Variants in PRIM2 observed in about 807,000 individuals in gnomAD.
PRIM2 encodes DNA primase large subunit.
A neutral mutation model predicts 67.3 loss-of-function variants in PRIM2; 39 were observed. The ratio of observed to expected loss-of-function variants is 0.58; its 90% confidence interval spans 0.45 to 0.76. PRIM2 has a LOEUF of 0.76. Among genes scored for constraint, PRIM2 ranks in the 30% least tolerant of loss-of-function variants. The pLI, the probability that PRIM2 is intolerant of heterozygous loss-of-function variation, is 0.00. For missense variants in PRIM2, 398 were observed against 598.7 expected (o/e 0.66, Z 3.50); for synonymous variants, 143 against 198.7 (o/e 0.72, Z 2.36).
chr6:57,520,091 C>T (rs1554348730), intron 8 of PRIM2, among the ~76,000 whole-genome samples: 45 of 152,204 alleles, frequency 3.0e-4, no homozygotes, highest in Non-Finnish European at 5.3e-4. Flanking sequence ...ACTGAAGTGG[C>T]GTATAAGGAA....
intron 7 of PRIM2, among the ~76,000 whole-genome samples, chr6:57,483,299 C>T (rs1342842200): frequency 2.0e-5 from 3 of 152,018 alleles, no homozygotes; most frequent in African/African-American, 7.3e-5. Context: ...GAGCACAATA[C>T]AATCTTTCAT....
chr6:57,597,987 C>T (rs1452458090), intron 10 of PRIM2, among the ~76,000 whole-genome samples: 1 of 152,148 alleles, frequency 6.6e-6, no homozygotes, highest in Non-Finnish European at 1.5e-5. Flanking sequence ...AAGCTTTCTA[C>T]AGTATCCATT....
the PRIM2 span, among the ~76,000 whole-genome samples, chr6:57,264,649 T>G: frequency 7.1e-6 from 1 of 141,402 alleles, no homozygotes. Context: ...CAGGCTGGAG[T>G]GCAGTGGCAC....
chr6:57,305,336 A>G, the PRIM2 span, among the ~76,000 whole-genome samples: 2 of 152,236 alleles, frequency 1.3e-5, no homozygotes, highest in Non-Finnish European at 2.9e-5. Flanking sequence ...AGGGATAAGT[A>G]CAGAGAAGTT....
At chr6:57,417,717 GA>G (rs1192214311) in intron 7 of PRIM2, among the ~76,000 whole-genome samples, 23 of 152,288 alleles carry the variant, frequency 1.5e-4, no homozygotes, top group African/African-American at 5.5e-4. Context: ...AAATAATAAT[GA>G]AAAAGTTTGA....
chr6:57,631,102 T>TA (rs1777031326), intron 12 of PRIM2, among the ~76,000 whole-genome samples: 1 of 152,204 alleles, frequency 6.6e-6, no homozygotes, highest in Admixed American at 6.5e-5. Flanking sequence ...GTCAGTATTG[T>TA]ATAATGCCTG....
intron 7 of PRIM2, among the ~76,000 whole-genome samples, chr6:57,424,432 AG>A (rs1771557280): frequency 6.6e-6 from 1 of 152,236 alleles, no homozygotes; most frequent in African/African-American, 2.4e-5. Flanking sequence ...TAATTATATA[AG>A]AACAGATGGA....
upstream of PRIM2, among the ~76,000 whole-genome samples, chr6:57,312,379 G>T (rs1767406995): frequency 6.6e-6 from 1 of 152,024 alleles, no homozygotes; most frequent in Non-Finnish European, 1.5e-5. Flanking sequence ...GCATGTGCCT[G>T]CAGTCCTAGC....
chr6:57,522,119 A>G (rs1774638217), intron 8 of PRIM2, among the ~76,000 whole-genome samples: 1 of 152,046 alleles, frequency 6.6e-6, no homozygotes, highest in African/African-American at 2.4e-5. Flanking sequence ...TTGCTTCCCT[A>G]ATAGTATAAA....
chr6:57,491,357 A>G (rs1773886176), intron 7 of PRIM2, among the ~76,000 whole-genome samples: 2 of 152,232 alleles, frequency 1.3e-5, no homozygotes, highest in African/African-American at 2.4e-5. Flanking sequence ...TGCATTTGAT[A>G]AAGTATTTCT....
chr6:57,530,325 C>T (rs1774859923), intron 8 of PRIM2, among the ~76,000 whole-genome samples: 1 of 152,176 alleles, frequency 6.6e-6, no homozygotes, highest in African/African-American at 2.4e-5. Flanking sequence ...CTGGTGGCAG[C>T]AACTTGTGAG....
chr6:57,233,015 A>G, the PRIM2 span, among the ~76,000 whole-genome samples: 230 of 152,358 alleles, frequency 1.5e-3, no homozygotes, highest in African/African-American at 5.2e-3. Flanking sequence ...ATACTAGCAA[A>G]GATATATTTT....
At chr6:57,260,533 T>A in the PRIM2 span, among the ~76,000 whole-genome samples, 1 of 152,236 alleles carries the variant, frequency 6.6e-6, no homozygotes, top group African/African-American at 2.4e-5. Flanking sequence ...ATTCTATTTT[T>A]AAAATAATTC....
rs555931759 is a variant in PRIM2, at chr6:57,418,165, A to G, written c.693+35997A>G. ...GAAGAAGGCTTAAAAATGGCCATGTAAAAATGCTATGATAGTAAGAGTAAA... is the reference window on the plus strand; with the variant it reads ...GAAGAAGGCTTAAAAATGGCCATGTGAAAATGCTATGATAGTAAGAGTAAA... On this transcript the variant is annotated intron_variant, in intron 7 of 13. Coordinates refer to ENST00000615550, the MANE Select transcript of PRIM2 (RefSeq NM_000947.5). Among the ~76,000 whole-genome samples the G allele has an allele frequency of 9.9e-5, 15 of 152,218 alleles. No individual in the cohort carries two copies. The South Asian group carries it at 2.9e-3, about 29-fold the overall frequency.
chr6:57,459,227 T>C (rs1359366617), intron 7 of PRIM2, among the ~76,000 whole-genome samples: 10 of 152,198 alleles, frequency 6.6e-5, no homozygotes, highest in Non-Finnish European at 1.3e-4. Context: ...TGGATGACTT[T>C]TGTAAAATGC....
chr6:57,288,273 G>A, the PRIM2 span, among the ~76,000 whole-genome samples: 10 of 152,136 alleles, frequency 6.6e-5, no homozygotes, highest in South Asian at 2.1e-4. Context: ...TGCTCACAGC[G>A]TAAACAAAGA....
intron 5 of PRIM2, among the ~76,000 whole-genome samples, chr6:57,348,069 A>G (rs1385179644): frequency 6.6e-6 from 1 of 152,110 alleles, no homozygotes; most frequent in African/African-American, 2.4e-5. Flanking sequence ...GTTGGCAGGA[A>G]TGGAAACCAA....
chr6:57,509,495 C>T (rs1774318408), intron 8 of PRIM2, among the ~76,000 whole-genome samples: 1 of 152,044 alleles, frequency 6.6e-6, no homozygotes, highest in South Asian at 2.1e-4. Context: ...CACATCATTG[C>T]CATATGTGTT....
chr6:57,366,688 G>A (rs992152108), intron 5 of PRIM2, among the ~76,000 whole-genome samples: 1 of 152,108 alleles, frequency 6.6e-6, no homozygotes, highest in Non-Finnish European at 1.5e-5. Flanking sequence ...TTTTAGTACT[G>A]GAAGTCCCAC....
Sources: gnomAD v4.1 joint callset for allele counts (sites outside exome capture counted in the v4.1 genomes callset) on GRCh38, gnomAD v4.1.1 for gene constraint, MANE v1.5 for transcripts, NCBI Gene and HGNC (gene_info 2026-07-23, HGNC 2026-07-21) for gene names.